The following FOXK1 variants were observed in gnomAD, a reference collection of about 807,000 sequenced individuals.
The protein encoded by FOXK1 is forkhead box K1.
In FOXK1, 19 loss-of-function variants were observed where a neutral mutation model predicts 51.9. The ratio of observed to expected loss-of-function variants is 0.37; its 90% CI spans 0.26 to 0.54. The LOEUF (loss-of-function observed/expected upper bound fraction) is 0.54. Among genes scored for constraint, FOXK1 ranks in the 20% least tolerant of loss-of-function variants. The pLI, the probability that FOXK1 is intolerant of heterozygous loss-of-function variation, is 0.87. For synonymous variants in FOXK1, 537 were observed against 482.6 expected (o/e 1.11, Z -1.48); for missense variants, 870 against 1,032.7 (o/e 0.84, Z 2.16).
intron 1 of FOXK1, among the ~76,000 whole-genome samples, chr7:4,725,061 A>T (rs1227499117): frequency 1.3e-5 from 2 of 152,204 alleles, no homozygotes; most frequent in African/African-American, 4.8e-5. Context: ...CCCCGAGGCC[A>T]TCCAAGCGCG....
chr7:4,739,397 ATTGTTT>A (rs766361341), intron 1 of FOXK1, among the ~76,000 whole-genome samples: 9 of 151,990 alleles, frequency 5.9e-5, no homozygotes, highest in South Asian at 4.1e-4. Context: ...GCTGCTTTAC[ATTGTTT>A]TTGTTTTTGT....
chr7:4,743,434 C>T lies in FOXK1; in HGVS notation c.746+2411C>T, dbSNP rs1780660684. The stretch of plus-strand genomic sequence containing the variant: ...GCATGGTGCCATATGTCTGTAATCC[C>T]AGCTACTCGGGAGGCTGAGGCAGGA... On this transcript the variant is annotated intron_variant, in intron 2 of 8. Coordinates refer to ENST00000328914, the MANE Select transcript of FOXK1 (RefSeq NM_001037165.2). The surrounding 1 kb of genome is among the most constrained non-coding windows in gnomAD (Gnocchi z 5.3). Among the ~76,000 whole-genome samples the T allele has an allele frequency of 6.6e-6, 1 of 152,096 alleles. No homozygotes were observed. The highest frequency in any genetic ancestry group is 2.4e-5 in the African/African-American group (1 of 41,442).
In FOXK1 at chr7:4,732,188, G is replaced by A. The variant is rs75017765; in HGVS notation, c.561-8650G>A. ...CTTATGTGTGACACGCCCTGTGTGC[G>A]TCTGATGACGTTGCTTGGAATCATT... On this transcript the variant is annotated intron_variant, in intron 1 of 8. Coordinates refer to ENST00000328914, the MANE Select transcript of FOXK1 (RefSeq NM_001037165.2). Among the ~76,000 whole-genome samples the A allele has an allele frequency of 9.5e-4, 145 of 152,354 alleles. 2 individuals are homozygous for A. In the East Asian group the frequency reaches 0.018, roughly 19 times the overall value.
At chr7:4,686,589 G>C (rs888325897) in intron 1 of FOXK1, among the ~76,000 whole-genome samples, 4 of 152,082 alleles carry the variant, frequency 2.6e-5, no homozygotes, top group Non-Finnish European at 4.4e-5. Flanking sequence ...TGGAGGAACT[G>C]CCCGGGTCTC....
chr7:4,742,505 C>A (rs1311301674), intron 2 of FOXK1, among the ~76,000 whole-genome samples: 1 of 152,208 alleles, frequency 6.6e-6, no homozygotes, highest in Non-Finnish European at 1.5e-5. Flanking sequence ...CAGCCTCCAA[C>A]TCCTGGGCTC....
rs1045724155 is a variant in FOXK1, at chr7:4,715,761, C to T, written c.561-25077C>T. ...CCAGCTCCGGGCACCCTGAGGTTCC[C>T]TCACAGCGAATCCACCGAAGAGCGC... On this transcript the variant is annotated intron_variant, in intron 1 of 8. Coordinates refer to ENST00000328914, the MANE Select transcript of FOXK1 (RefSeq NM_001037165.2). The surrounding 1 kb of genome is among the most constrained non-coding windows in gnomAD (Gnocchi z 4.5). 6.6e-6 allele frequency among the ~76,000 whole-genome samples: 1 copy of T among 152,116 alleles called. No homozygotes were observed. Among genetic ancestry groups the T allele is most frequent in the Non-Finnish European group, 1.5e-5 (1 of 68,036 alleles).
chr7:4,761,399 A>G lies in FOXK1; in HGVS notation c.1921+111A>G, dbSNP rs1022711539. 1 of 1,109,780 alleles carries G rather than the reference A, an allele frequency of 9.0e-7. No individual in the cohort carries two copies. Among genetic ancestry groups the G allele is most frequent in the Non-Finnish European group, 1.3e-6 (1 of 774,156 alleles). The allele number at this position is 1,109,780 out of a possible 1,614,324, so 68.7% of individuals were successfully genotyped here. A position where few individuals can be genotyped will look rare whatever the true frequency, so the allele number is the denominator to read the frequency against. ...ATCTCCCGATCCTCCACTCAGTTCA[A>G]TTTATTGAGCACCTGCTATACTCCA... On this transcript the variant is annotated intron_variant, in intron 8 of 8. Transcript: ENST00000328914. This position sits in a 1 kb window ranked among gnomAD's most constrained non-coding sequence, Gnocchi z 6.2.
In FOXK1 at chr7:4,706,025, T is replaced by TATATATAC. The variant is rs1230317232; in HGVS notation, c.560+23157_560+23158insATATATAC. Among the ~76,000 whole-genome samples the TATATATAC allele has an allele frequency of 6.7e-4, 70 of 104,484 alleles. 1 individual carries two copies. Among genetic ancestry groups the TATATATAC allele is most frequent in the African/African-American group, 5.2e-3 (66 of 12,668 alleles). 68.5% of individuals were successfully genotyped at this position (104,484 alleles called of 152,430 possible). On this transcript the variant is annotated intron_variant, in intron 1 of 8. Transcript: ENST00000328914. ...ATACGTATATATACGTATATATACGTGTATATACGTGTATATACGTGTATA... is the reference window on the plus strand; with the variant it reads ...ATACGTATATATACGTATATATACGTATATATACGTATATACGTGTATATACGTGTATA...
At chr7:4,688,409 AT>A (rs370316026) in intron 1 of FOXK1, among the ~76,000 whole-genome samples, 4 of 146,776 alleles carry the variant, frequency 2.7e-5, no homozygotes, top group Non-Finnish European at 4.5e-5. Flanking sequence ...TTTTATTTTT[AT>A]TTTTTTTTGA....
At position 4,749,881 on chromosome 7, in the gene FOXK1, T is replaced by C. The variant is rs978909819; in HGVS notation, c.747-4578T>C. Among the ~76,000 whole-genome samples the C allele has an allele frequency of 1.3e-5, 2 of 152,202 alleles. No homozygotes were observed. Among genetic ancestry groups the C allele is most frequent in the African/African-American group, 2.4e-5 (1 of 41,464 alleles). ...CTCAGCGTGACTTCTCATCATAACG[T>C]GACCCAGCGACCTGTGTGTCCCACA... is the stretch of plus-strand genomic sequence containing the variant. On this transcript the variant is annotated intron_variant, in intron 2 of 8. Coordinates refer to ENST00000328914, the MANE Select transcript of FOXK1 (RefSeq NM_001037165.2). This position sits in a 1 kb window ranked among gnomAD's most constrained non-coding sequence, Gnocchi z 6.0.
intron 2 of FOXK1, among the ~76,000 whole-genome samples, chr7:4,752,871 G>A (rs1481244465): frequency 2.0e-5 from 3 of 152,242 alleles, no homozygotes; most frequent in African/African-American, 7.2e-5. Flanking sequence ...CTTTGACAAA[G>A]CCGATTTTGG....
chr7:4,708,599 G>A (rs1780134912), intron 1 of FOXK1, among the ~76,000 whole-genome samples: 1 of 152,228 alleles, frequency 6.6e-6, no homozygotes, highest in South Asian at 2.1e-4. Context: ...GCCCCGAATG[G>A]TATAAACTTG....
At position 4,754,533 on chromosome 7, in the gene FOXK1, C is replaced by G; in HGVS notation, c.821C>G (p.Ser274Trp). The G allele has an allele frequency of 6.2e-7, 1 of 1,612,276 alleles. No individual in the cohort carries two copies. The highest frequency in any genetic ancestry group is 1.1e-5 in the South Asian group (1 of 91,090). ...SSYRFVQNVTSDLQLAAEFAA... is the reference protein window; with the variant it reads ...SSYRFVQNVTWDLQLAAEFAA... Reference sequence around the variant, plus strand: ...TACCGCTTTGTGCAGAACGTGACCTCGGACCTGCAGCTGGCAGCAGAGTTT... The same window carrying G: ...TACCGCTTTGTGCAGAACGTGACCTGGGACCTGCAGCTGGCAGCAGAGTTT... Residue 274 changes from serine to tryptophan, a missense_variant, in exon 3 of 9, where the codon TCG becomes TGG. Physicochemically the swap from Ser to Trp is radical, Grantham distance 177. This residue lies in a region of FOXK1 where 399 missense variants were observed against 475.6 expected (regional missense o/e 0.84). Transcript: ENST00000328914.
intron 1 of FOXK1, among the ~76,000 whole-genome samples, chr7:4,718,178 G>A (rs575299189): frequency 8.3e-4 from 127 of 152,152 alleles, no homozygotes; most frequent in Non-Finnish European, 1.4e-3. Context: ...CCTCCGACGC[G>A]TCCATCAGCA....
At chr7:4,718,536 A>G (rs1007092944) in intron 1 of FOXK1, among the ~76,000 whole-genome samples, 1 of 152,130 alleles carries the variant, frequency 6.6e-6, no homozygotes, top group African/African-American at 2.4e-5. Flanking sequence ...TCGGCCTACT[A>G]CAAATACAAT....
At chr7:4,716,866 A>G (rs535281799) in intron 1 of FOXK1, among the ~76,000 whole-genome samples, 1 of 152,322 alleles carries the variant, frequency 6.6e-6, no homozygotes, top group South Asian at 2.1e-4. Context: ...TCTTTATCTT[A>G]ATAGAGATTA....
rs982339892 is a variant in FOXK1, at chr7:4,764,475, G to A, written c.*2011G>A. ...ACGTCCGTGGAGGGTGAGAGATTGCGCCCCGTTCCACACTTGTGTCGCCTG... is the reference window on the plus strand; with the variant it reads ...ACGTCCGTGGAGGGTGAGAGATTGCACCCCGTTCCACACTTGTGTCGCCTG... On this transcript the variant is annotated 3_prime_UTR_variant, in exon 9 of 9. Coordinates refer to ENST00000328914, the MANE Select transcript of FOXK1 (RefSeq NM_001037165.2). The A allele has an allele frequency of 1.3e-5, 2 of 154,436 alleles. No homozygotes were observed. The highest frequency in any genetic ancestry group is 4.8e-5 in the African/African-American group (2 of 41,520). The allele number at this position is 154,436 out of a possible 1,614,324, so 9.6% of individuals were successfully genotyped here.
chr7:4,755,099 TTGGAGG>T lies in FOXK1; in HGVS notation c.904-137_904-132del. The T allele has an allele frequency of 9.4e-7, 1 of 1,064,366 alleles. No individual in the cohort carries two copies. Among genetic ancestry groups the T allele is most frequent in the Non-Finnish European group, 1.3e-6 (1 of 753,018 alleles). 65.9% of individuals were successfully genotyped at this position (1,064,366 alleles called of 1,614,324 possible). A position where few individuals can be genotyped will look rare whatever the true frequency, so the allele number is the denominator to read the frequency against. ...GAATGCAAGCACATTAATGGGATAGTTGGAGGGCACTGGGACGGGTGCCGGCAAGAC... is the reference window on the plus strand; with the variant it reads ...GAATGCAAGCACATTAATGGGATAGTGCACTGGGACGGGTGCCGGCAAGAC... On this transcript the variant is annotated intron_variant, in intron 3 of 8. Coordinates refer to ENST00000328914, the MANE Select transcript of FOXK1 (RefSeq NM_001037165.2). This position sits in a 1 kb window ranked among gnomAD's most constrained non-coding sequence, Gnocchi z 6.6.
At chr7:4,721,109 G>A (rs1780303634) in intron 1 of FOXK1, among the ~76,000 whole-genome samples, 1 of 152,170 alleles carries the variant, frequency 6.6e-6, no homozygotes. Context: ...CTCTGTCACT[G>A]TTGCCGTAAG....
Sources: gnomAD v4.1 joint callset for allele counts (sites outside exome capture counted in the v4.1 genomes callset) on GRCh38, gnomAD v4.1.1 for gene constraint, gnomAD v4.1.1 regional missense constraint, Gnocchi (gnomAD v3.1) non-coding constraint, MANE v1.5 for transcripts, NCBI Gene and HGNC (gene_info 2026-07-23, HGNC 2026-07-21) for gene names.